The following EYS variants were observed in gnomAD, a reference collection of about 807,000 sequenced individuals.
The protein encoded by EYS is protein eyes shut homolog.
A neutral mutation model predicts 282.1 loss-of-function variants in EYS; 250 were observed. That is an observed-to-expected ratio of 0.89 (90% confidence interval 0.80 to 0.98). The LOEUF (loss-of-function observed/expected upper bound fraction) is 0.98. EYS is among the 50% of genes least tolerant of loss of function. EYS has a pLI of 0.00. For missense variants in EYS, 4,016 were observed against 3,709.0 expected (o/e 1.08, Z -2.15); for synonymous variants, 1,355 against 1,282.9 (o/e 1.06, Z -1.20).
intron 36 of EYS, among the ~76,000 whole-genome samples, chr6:63,842,519 A>AT (rs1562054774): frequency 6.6e-6 from 1 of 152,110 alleles, no homozygotes; most frequent in Non-Finnish European, 1.5e-5. Flanking sequence ...CCTTGATCAG[A>AT]TGGATAGGTT....
chr6:64,373,332 A>G (rs1772448681), intron 29 of EYS, among the ~76,000 whole-genome samples: 2 of 152,026 alleles, frequency 1.3e-5, no homozygotes, highest in Admixed American at 1.3e-4. Context: ...GTCTTGGAGG[A>G]GCCCTCTCTG....
intron 5 of EYS, among the ~76,000 whole-genome samples, chr6:65,432,034 T>A (rs17767928): frequency 0.13 from 19,695 of 152,036 alleles, 1,633 homozygotes; most frequent in South Asian, 0.21. Flanking sequence ...CAAGAAAATA[T>A]CCAATAATAA....
At chr6:64,285,332 G>T (rs939356955) in intron 30 of EYS, among the ~76,000 whole-genome samples, 2 of 152,016 alleles carry the variant, frequency 1.3e-5, no homozygotes, top group South Asian at 4.1e-4. Context: ...CAAGTTCAAA[G>T]TTCCACAAAT....
chr6:65,591,895 T>C (rs1765246442), intron 2 of EYS, among the ~76,000 whole-genome samples: 1 of 152,062 alleles, frequency 6.6e-6, no homozygotes, highest in African/African-American at 2.4e-5. Flanking sequence ...TTAAGCCATA[T>C]GCTACCTAAA....
intron 22 of EYS, among the ~76,000 whole-genome samples, chr6:64,790,501 A>T (rs752756149): frequency 7.2e-5 from 11 of 151,968 alleles, no homozygotes; most frequent in Non-Finnish European, 1.3e-4. Flanking sequence ...AAAATAATTA[A>T]CTTTTTATGA....
chr6:63,763,144 A>C (rs901433005), intron 40 of EYS, among the ~76,000 whole-genome samples: 2 of 152,080 alleles, frequency 1.3e-5, no homozygotes, highest in African/African-American at 4.8e-5. Flanking sequence ...ATAGTCAGGA[A>C]CAATAGCTTG....
intron 31 of EYS, among the ~76,000 whole-genome samples, chr6:64,126,786 T>C (rs1262146671): frequency 4.0e-5 from 6 of 151,866 alleles, no homozygotes; most frequent in Non-Finnish European, 7.4e-5. Flanking sequence ...ATTGCATGTT[T>C]ATATATTTAC....
intron 22 of EYS, among the ~76,000 whole-genome samples, chr6:64,635,535 A>C (rs1582980547): frequency 6.6e-6 from 1 of 152,140 alleles, no homozygotes; most frequent in Admixed American, 6.6e-5. Flanking sequence ...AGCATGAAGT[A>C]GTTGTTGAAT....
At chr6:65,129,735 G>C (rs1007982308) in intron 12 of EYS, among the ~76,000 whole-genome samples, 2 of 151,632 alleles carry the variant, frequency 1.3e-5, no homozygotes, top group African/African-American at 4.8e-5. Flanking sequence ...TAAGTCACTG[G>C]AGGGGCAGTT....
chr6:65,369,617 C>A (rs1395297363), intron 8 of EYS, among the ~76,000 whole-genome samples: 1 of 151,198 alleles, frequency 6.6e-6, no homozygotes, highest in Non-Finnish European at 1.5e-5. Context: ...CTTTCTGCAA[C>A]CTAAACTTCC....
At chr6:64,396,056 G>A (rs1773361974) in intron 28 of EYS, among the ~76,000 whole-genome samples, 1 of 151,860 alleles carries the variant, frequency 6.6e-6, no homozygotes, top group South Asian at 2.1e-4. Context: ...ACATACACAA[G>A]CATGCACACA....
intron 12 of EYS, among the ~76,000 whole-genome samples, chr6:65,221,906 G>A (rs943328438): frequency 1.3e-5 from 2 of 152,158 alleles, no homozygotes; most frequent in African/African-American, 4.8e-5. Flanking sequence ...TGGAGTCAAA[G>A]GAGATCATTA....
chr6:64,036,263 T>C (rs548698547), intron 33 of EYS, among the ~76,000 whole-genome samples: 34 of 151,684 alleles, frequency 2.2e-4, no homozygotes, highest in African/African-American at 7.7e-4. Flanking sequence ...CTGTTAAGGG[T>C]GATGGAGTTT....
intron 35 of EYS, among the ~76,000 whole-genome samples, chr6:63,958,987 A>T (rs1239090497): frequency 6.6e-6 from 1 of 152,214 alleles, no homozygotes; most frequent in Admixed American, 6.6e-5. Context: ...TACATCTTCC[A>T]TTCAGAAGCC....
chr6:63,916,293 G>C (rs1165499552), intron 35 of EYS, among the ~76,000 whole-genome samples: 2 of 152,198 alleles, frequency 1.3e-5, no homozygotes, highest in Non-Finnish European at 2.9e-5. Context: ...TATAAATGTA[G>C]TAGTGGAAAC....
chr6:64,799,610 C>A (rs924031), intron 22 of EYS, among the ~76,000 whole-genome samples: 73,776 of 150,192 alleles, frequency 0.49, 19,584 homozygotes, highest in Admixed American at 0.63. Flanking sequence ...TAGGCCATAT[C>A]TGATGCAATC....
intron 22 of EYS, among the ~76,000 whole-genome samples, chr6:64,750,983 T>G (rs1772726802): frequency 6.6e-6 from 1 of 151,910 alleles, no homozygotes; most frequent in Non-Finnish European, 1.5e-5. Flanking sequence ...TTCGAGGCAC[T>G]TGGAGCACCT....
chr6:65,485,493 C>T (rs1765752533), intron 5 of EYS, among the ~76,000 whole-genome samples: 1 of 152,290 alleles, frequency 6.6e-6, no homozygotes, highest in African/African-American at 2.4e-5. Flanking sequence ...TAGTAGACAA[C>T]TTCACTTACA....
chr6:63,993,402 T>C (rs1298761167), intron 34 of EYS, among the ~76,000 whole-genome samples: 1 of 151,378 alleles, frequency 6.6e-6, no homozygotes, highest in Non-Finnish European at 1.5e-5. Flanking sequence ...CCTGATAATA[T>C]ACATAGAAAA....
Sources: gnomAD v4.1 joint callset for allele counts (sites outside exome capture counted in the v4.1 genomes callset) on GRCh38, gnomAD v4.1.1 for gene constraint, MANE v1.5 for transcripts, NCBI Gene and HGNC (gene_info 2026-07-23, HGNC 2026-07-21) for gene names.